PRPF3: variants seen among roughly 807,000 people sequenced by gnomAD.
The protein encoded by PRPF3 is U4/U6 small nuclear ribonucleoprotein Prp3.
A neutral mutation model predicts 89.2 loss-of-function variants in PRPF3; 3 were observed. The observed-to-expected ratio is 0.03, with a 90% confidence interval of 0.02 to 0.09. PRPF3 has a LOEUF of 0.09. Among genes scored for constraint, PRPF3 ranks in the 10% least tolerant of loss-of-function variants. The probability of loss-of-function intolerance (pLI) is 1.00; values close to 1 mark genes in which losing one functional copy is unlikely to be tolerated. For missense variants in PRPF3, 463 were observed against 828.8 expected (o/e 0.56, Z 5.42); for synonymous variants, 270 against 289.1 (o/e 0.93, Z 0.67).
rs2101978349 is a variant in PRPF3, at chr1:150,335,030, C to T, written c.824C>T (p.Thr275Ile). 1 of 1,614,076 alleles carries T rather than the reference C, an allele frequency of 6.2e-7. No individual in the cohort carries two copies. The highest frequency in any genetic ancestry group is 8.5e-7 in the Non-Finnish European group (1 of 1,180,014). The change falls in exon 7 of 16, where the codon ACA (threonine) becomes ATA (isoleucine). Residue 275 changes from threonine (T) to isoleucine (I), a missense_variant. Thr to Ile is a moderately conservative substitution (Grantham distance 89, BLOSUM62 -1). This residue lies in a region of PRPF3 where 261 missense variants were observed against 475.8 expected (regional missense o/e 0.55). Transcript: ENST00000324862. ...GCAACAGGCAAGGAGATTGAGCTGACACACCGCATGCCTACTCTGAAAGCC... is the reference window on the plus strand; with the variant it reads ...GCAACAGGCAAGGAGATTGAGCTGATACACCGCATGCCTACTCTGAAAGCC... ...VDATGKEIEL[T>I]HRMPTLKANI...
chr1:150,345,847 A>G (rs1345250920), intron 12 of PRPF3, 171 bp from the exon 13 acceptor site: 1 of 700,964 alleles, frequency 1.4e-6, no homozygotes, highest in Admixed American at 2.0e-5. Context: ...GAGTGTGGAA[A>G]TATTTCTAGA....
Position 150,338,148 on chromosome 1 carries a change from T to C in PRPF3, c.1036-12T>C, listed in dbSNP as rs1657258186. The stretch of plus-strand genomic sequence containing the variant: ...CAATTTATCTTTCTGTCTTGGATTA[T>C]CTTGTTTTTAGGCTCAACTGGAGAA... On this transcript the variant is annotated splice_polypyrimidine_tract_variant and intron_variant, in intron 7 of 15. Coordinates refer to ENST00000324862, the MANE Select transcript of PRPF3 (RefSeq NM_004698.4). 6.2e-7 allele frequency: 1 copy of C among 1,613,788 alleles called. No homozygotes were observed. The highest frequency in any genetic ancestry group is 8.5e-7 in the Non-Finnish European group (1 of 1,179,814).
chr1:150,350,949 A>C (rs1057316444), intron 15 of PRPF3, among the ~76,000 whole-genome samples: 4 of 151,626 alleles, frequency 2.6e-5, no homozygotes, highest in Non-Finnish European at 5.9e-5. Context: ...CACCAGAGTG[A>C]AACCCTGTCT....
intron 14 of PRPF3, among the ~76,000 whole-genome samples, chr1:150,348,044 T>C (rs1420913058): frequency 6.6e-6 from 1 of 152,180 alleles, no homozygotes; most frequent in Non-Finnish European, 1.5e-5. Flanking sequence ...ATACTCCCAT[T>C]AGTGTTCATT....
In PRPF3 at chr1:150,332,747, A is replaced by G. The variant is rs1282813411; in HGVS notation, c.487A>G (p.Ile163Val). ...IEERKKQLSF[I>V]SPPTPQPKTP... ...GGAGAGGAAAAAACAGCTGAGCTTCATTAGCCCCCCTACACCTCAGGTATT... is the reference window on the plus strand; with the variant it reads ...GGAGAGGAAAAAACAGCTGAGCTTCGTTAGCCCCCCTACACCTCAGGTATT... Residue 163 changes from isoleucine (I) to valine (V), a missense_variant, in exon 5 of 16, where the codon ATT (isoleucine) becomes GTT (valine). By Grantham distance (29) the Ile-to-Val change is conservative (BLOSUM62 3). Coordinates refer to ENST00000324862, the MANE Select transcript of PRPF3 (RefSeq NM_004698.4). The G allele has an allele frequency of 3.1e-6, 5 of 1,614,020 alleles. No homozygotes were observed. Among genetic ancestry groups the G allele is most frequent in the East Asian group, 2.2e-5 (1 of 44,896 alleles).
chr1:150,349,856 A>G (rs1417330716), intron 15 of PRPF3, among the ~76,000 whole-genome samples: 1 of 119,602 alleles, frequency 8.4e-6, no homozygotes, highest in African/African-American at 3.2e-5. Flanking sequence ...GTTTGCTTTT[A>G]GGTATAGTAC....
intron 10 of PRPF3, 121 bp downstream of exon 10, chr1:150,343,573 C>T (rs1658001032): frequency 3.0e-6 from 4 of 1,337,638 alleles, no homozygotes; most frequent in Non-Finnish European, 3.1e-6. Flanking sequence ...TTCTTGGGGT[C>T]CTTTTTCTCC....
rs782085392 is a variant in PRPF3, at chr1:150,343,246, AAAAT to A, written c.1283-61_1283-58del. On this transcript the variant is annotated intron_variant, in intron 9 of 15. Coordinates refer to ENST00000324862, the MANE Select transcript of PRPF3 (RefSeq NM_004698.4). ...GACAGAGTGAGAGAGAGAAAAAAAAAAAATATATATATATATATATGTATTCTTA... is the reference window on the plus strand; with the variant it reads ...GACAGAGTGAGAGAGAGAAAAAAAAAATATATATATATATATGTATTCTTA... 0.21 allele frequency: 80,666 copies of A among 388,976 alleles called. 2,207 individuals are homozygous for A. The highest frequency in any genetic ancestry group is 0.23 in the Non-Finnish European group (66,853 of 295,330). The allele number at this position is 388,976 out of a possible 1,614,324, so 24.1% of individuals were successfully genotyped here.
At chr1:150,347,311 CACAT>C (rs1308266326) in intron 14 of PRPF3, among the ~76,000 whole-genome samples, 43 of 151,794 alleles carry the variant, frequency 2.8e-4, no homozygotes, top group Middle Eastern at 3.4e-3. Flanking sequence ...CATGTACACA[CACAT>C]ACACATACAC....
At chr1:150,349,649 G>A (rs1658687160) in intron 15 of PRPF3, among the ~76,000 whole-genome samples, 1 of 152,256 alleles carries the variant, frequency 6.6e-6, no homozygotes, top group South Asian at 2.1e-4. Flanking sequence ...GACACTTAAT[G>A]TCAAATTCTG....
intron 3 of PRPF3, chr1:150,327,973 T>G (rs1655910265): frequency 3.0e-6 from 1 of 331,222 alleles, no homozygotes; most frequent in Admixed American, 4.5e-5. Context: ...TAGGTTATAA[T>G]GAGGAAAACT....
chr1:150,329,834 A>G (rs1463001344), intron 4 of PRPF3: 1 of 152,250 alleles, frequency 6.6e-6, no homozygotes, highest in Non-Finnish European at 1.5e-5. Context: ...ATCTCGGTTC[A>G]CTGCAGCCTC....
chr1:150,340,362 C>G, intron 8 of PRPF3, 36 bp from the exon 9 acceptor site: 1 of 1,411,384 alleles, frequency 7.1e-7, no homozygotes, highest in South Asian at 1.2e-5. Context: ...CATCTCTACC[C>G]GCATATCGTG....
chr1:150,336,232 G>A (rs935826329), intron 7 of PRPF3, among the ~76,000 whole-genome samples: 7 of 152,258 alleles, frequency 4.6e-5, no homozygotes, highest in African/African-American at 1.7e-4. Flanking sequence ...CATAAGGAAT[G>A]TGCAACATAG....
intron 14 of PRPF3, chr1:150,348,889 C>A: frequency 2.2e-6 from 1 of 454,470 alleles, no homozygotes; most frequent in Non-Finnish European, 4.0e-6. Flanking sequence ...TTCTTGACTG[C>A]TTGTCTTTTA....
intron 1 of PRPF3, among the ~76,000 whole-genome samples, chr1:150,324,605 C>T (rs1655494484): frequency 6.7e-6 from 1 of 149,380 alleles, no homozygotes; most frequent in African/African-American, 2.5e-5. Flanking sequence ...GGCTGGAGTG[C>T]AGTGGTGCGA....
intron 5 of PRPF3, 50 bp downstream of exon 5, chr1:150,332,817 C>T (rs781974124): frequency 1.9e-6 from 3 of 1,589,388 alleles, no homozygotes; most frequent in African/African-American, 2.7e-5. Context: ...CACAGAATTT[C>T]TTGCCATCCA....
intron 7 of PRPF3, among the ~76,000 whole-genome samples, chr1:150,337,651 G>A (rs587673034): frequency 1.3e-5 from 2 of 151,696 alleles, no homozygotes; most frequent in Admixed American, 6.6e-5. Context: ...GGTGATGGGC[G>A]CCTGTAGTCC....
intron 1 of PRPF3, 63 bp from the exon 2 acceptor site, chr1:150,324,831 GC>G (rs1655524300): frequency 4.3e-5 from 58 of 1,334,828 alleles, no homozygotes; most frequent in Non-Finnish European, 5.6e-5. Context: ...ACAGGCATGA[GC>G]CACTGCACCC....
Sources: allele counts gnomAD v4.1 joint callset (sites outside exome capture counted in the v4.1 genomes callset), GRCh38; gene constraint gnomAD v4.1.1; regional missense constraint gnomAD v4.1.1; transcripts MANE v1.5; gene names NCBI Gene and HGNC (gene_info 2026-07-23, HGNC 2026-07-21).